PHF7: variants seen among roughly 807,000 people sequenced by gnomAD.
The protein encoded by PHF7 is PHD finger protein 7.
PHF7 carries 24 observed loss-of-function variants against 47.5 expected under a neutral mutation model. The ratio of observed to expected loss-of-function variants is 0.51; its 90% CI spans 0.37 to 0.71. The LOEUF (loss-of-function observed/expected upper bound fraction) is 0.71. PHF7 is among the 30% of genes least tolerant of loss of function. The probability of loss-of-function intolerance (pLI) is 0.00; values close to 1 mark genes in which losing one functional copy is unlikely to be tolerated. For missense variants in PHF7, 361 were observed against 456.8 expected (o/e 0.79, Z 1.91); for synonymous variants, 156 against 153.8 (o/e 1.01, Z -0.11).
intron 4 of PHF7, 46 bp from the exon 5 acceptor site, chr3:52,419,787 T>G: frequency 9.3e-7 from 1 of 1,079,918 alleles, no homozygotes; most frequent in Admixed American, 1.9e-5. Context: ...ACTGCACTGT[T>G]TCACTGATCA....
chr3:52,414,330 C>A (rs1013741957), intron 3 of PHF7, among the ~76,000 whole-genome samples, 166 bp from the exon 4 acceptor site: 1 of 152,196 alleles, frequency 6.6e-6, no homozygotes, highest in Non-Finnish European at 1.5e-5. Context: ...ATGTGACAGA[C>A]TAATTGATAC....
At chr3:52,420,866 T>C (rs760869063) in intron 6 of PHF7, 37 bp from the exon 7 acceptor site, 1 of 1,579,760 alleles carries the variant, frequency 6.3e-7, no homozygotes, top group East Asian at 2.3e-5. Flanking sequence ...ACTACATCAA[T>C]GACAAACCAG....
chr3:52,421,178 C>A lies in PHF7; in HGVS notation c.573+116C>A. 4 of 921,082 alleles carry A rather than the reference C, an allele frequency of 4.3e-6. 1 individual carries two copies. The East Asian group carries it at 7.7e-5, about 18-fold the overall frequency. The allele number at this position is 921,082 out of a possible 1,614,324, so 57.1% of individuals were successfully genotyped here. Reference sequence around the variant, plus strand: ...AGCTTTGGTGCTCCATGCTGGAGGCCTGTATTGAGGGCTGGTTTCAGGCAG... The same window carrying A: ...AGCTTTGGTGCTCCATGCTGGAGGCATGTATTGAGGGCTGGTTTCAGGCAG... On this transcript the variant is annotated intron_variant, in intron 7 of 10. Transcript: ENST00000327906.
chr3:52,416,273 C>T (rs1452936390), intron 4 of PHF7, among the ~76,000 whole-genome samples: 1 of 150,932 alleles, frequency 6.6e-6, no homozygotes, highest in Non-Finnish European at 1.5e-5. Context: ...GCAGCCTCCA[C>T]CTCCCGGGTT....
At chr3:52,418,906 C>G (rs2153229108) in intron 4 of PHF7, among the ~76,000 whole-genome samples, 1 of 151,682 alleles carries the variant, frequency 6.6e-6, no homozygotes, top group African/African-American at 2.4e-5. Flanking sequence ...CTCCCGGGTT[C>G]AAGCGATTCT....
chr3:52,414,462 A>G (rs756100643), intron 3 of PHF7, 34 bp from the exon 4 acceptor site: 11 of 1,281,454 alleles, frequency 8.6e-6, no homozygotes, highest in South Asian at 1.2e-5. Flanking sequence ...TTAATGGTCA[A>G]TTTGAGCCAA....
intron 7 of PHF7, 74 bp downstream of exon 7, chr3:52,421,136 A>G: frequency 7.3e-7 from 1 of 1,365,378 alleles, no homozygotes; most frequent in Non-Finnish European, 1.0e-6. Flanking sequence ...AACCCTGGGA[A>G]TGCTCAGGTG....
chr3:52,422,972 G>T, intron 10 of PHF7, 91 bp downstream of exon 10: 1 of 1,568,320 alleles, frequency 6.4e-7, no homozygotes. Context: ...TCCCACCAGA[G>T]GGGGATTAAT....
At chr3:52,414,740 G>A (rs1705568981) in intron 4 of PHF7, 153 bp downstream of exon 4, 3 of 426,758 alleles carry the variant, frequency 7.0e-6, no homozygotes, top group South Asian at 5.2e-5. Flanking sequence ...TGGGTGCAGT[G>A]GCTCACGCCT....
In PHF7 at chr3:52,423,311, C is replaced by A. The variant is rs1705854916; in HGVS notation, c.1140C>A (p.Ser380=). 1.2e-6 allele frequency: 2 copies of A among 1,601,698 alleles called. No individual in the cohort carries two copies. The highest frequency in any genetic ancestry group is 1.3e-5 in the African/African-American group (1 of 74,768). ...GAATCACTAACAGCTGCAAAAAATC[C>A]AAGTAACACCTTCTGAGTAGCTGCT... ...GVRITNSCKK[S]K The change falls in exon 11 of 11, where the codon TCC becomes TCA. Residue 380 remains serine, a synonymous_variant. Transcript: ENST00000327906.
intron 2 of PHF7, among the ~76,000 whole-genome samples, chr3:52,413,468 G>T (rs1410952736): frequency 6.6e-6 from 1 of 152,210 alleles, no homozygotes; most frequent in African/African-American, 2.4e-5. Flanking sequence ...TACAGGCACT[G>T]GGGAGAGAAA....
In PHF7 at chr3:52,410,863, C is replaced by G; in HGVS notation, c.-454C>G. The G allele has an allele frequency of 6.6e-6, 1 of 152,310 alleles. No homozygotes were observed. The highest frequency in any genetic ancestry group is 1.9e-4 in the East Asian group (1 of 5,198). The allele number at this position is 152,310 out of a possible 1,614,324, so 9.4% of individuals were successfully genotyped here. ...GGCCCTGCACTGGCCGCCCGGCAGG[C>G]GCGACATGAGCCTGGTCTGGCATCC... is the stretch of plus-strand genomic sequence containing the variant. On this transcript the variant is annotated 5_prime_UTR_variant, in exon 1 of 11. Coordinates refer to ENST00000327906, the MANE Select transcript of PHF7 (RefSeq NM_016483.7).
At chr3:52,416,920 A>G (rs1705644347) in intron 4 of PHF7, among the ~76,000 whole-genome samples, 1 of 151,536 alleles carries the variant, frequency 6.6e-6, no homozygotes, top group African/African-American at 2.4e-5. Context: ...TTTCAAATAT[A>G]TGTATTGAGA....
Position 52,421,662 on chromosome 3 carries a change from A to C in PHF7, c.588A>C (p.Thr196=). ...TTCTCTTACAGAAATATGCCCACAC[A>C]TCAGCAAAGCATTTCTTCAAATGTC... is the stretch of plus-strand genomic sequence containing the variant. ...HRKCIQKYAH[T]SAKHFFKCPQ... The change falls in exon 8 of 11, where the codon ACA becomes ACC. Residue 196 remains threonine (T), a synonymous_variant. Coordinates refer to ENST00000327906, the MANE Select transcript of PHF7 (RefSeq NM_016483.7). 6.2e-7 allele frequency: 1 copy of C among 1,600,954 alleles called. No homozygotes were observed. Among genetic ancestry groups the C allele is most frequent in the South Asian group, 1.1e-5 (1 of 90,834 alleles).
chr3:52,414,654 C>A, intron 4 of PHF7, 67 bp downstream of exon 4: 1 of 826,792 alleles, frequency 1.2e-6, no homozygotes, highest in Non-Finnish European at 2.0e-6. Context: ...TTCTCTGTTA[C>A]ATTCATCCTC....
chr3:52,422,132 TTAG>T (rs1705808993), intron 8 of PHF7, 87 bp from the exon 9 acceptor site: 1 of 893,418 alleles, frequency 1.1e-6, no homozygotes, highest in Admixed American at 1.7e-5. Context: ...CTTGCTGTGC[TTAG>T]CTTGGGCTCT....
chr3:52,420,173 G>GC, intron 5 of PHF7, 138 bp from the exon 6 acceptor site: 1 of 963,374 alleles, frequency 1.0e-6, no homozygotes, highest in Non-Finnish European at 1.7e-6. Flanking sequence ...GCTTCCGGGT[G>GC]CCCCAGAGCA....
At chr3:52,413,320 A>T (rs984868540) in intron 2 of PHF7, among the ~76,000 whole-genome samples, 3 of 152,246 alleles carry the variant, frequency 2.0e-5, no homozygotes, top group African/African-American at 7.2e-5. Context: ...CGCAACAGGA[A>T]ATACTTTTAT....
chr3:52,421,667 CA>C lies in PHF7; in HGVS notation c.596del (p.Lys199SerfsTer20). On this transcript the variant is annotated frameshift_variant, in exon 8 of 11. Coordinates refer to ENST00000327906, the MANE Select transcript of PHF7 (RefSeq NM_016483.7). LOFTEE classifies it high-confidence loss of function. ...KCIQKYAHTS[A>X]KHFFKCPQCN... Reference sequence around the variant, plus strand: ...TTACAGAAATATGCCCACACATCAGCAAAGCATTTCTTCAAATGTCCACAGT... The same window carrying C: ...TTACAGAAATATGCCCACACATCAGCAAGCATTTCTTCAAATGTCCACAGT... 4 of 1,602,908 alleles carry C rather than the reference CA, an allele frequency of 2.5e-6. No homozygotes were observed. Among genetic ancestry groups the C allele is most frequent in the Non-Finnish European group, 3.4e-6 (4 of 1,169,812 alleles).
Sources: gnomAD v4.1 joint callset for allele counts (sites outside exome capture counted in the v4.1 genomes callset) on GRCh38, gnomAD v4.1.1 for gene constraint, MANE v1.5 for transcripts, NCBI Gene and HGNC (gene_info 2026-07-23, HGNC 2026-07-21) for gene names.